Variants in NPAS3 observed in about 807,000 individuals in gnomAD.
NPAS3 encodes neuronal PAS domain-containing protein 3.
In NPAS3, 14 loss-of-function variants were observed where a neutral mutation model predicts 73.1. That is an observed-to-expected ratio of 0.19 (90% CI 0.13 to 0.30). The LOEUF is 0.30. Ranked by LOEUF, NPAS3 falls within the 10% of genes least tolerant of loss-of-function variation. NPAS3 has a pLI of 1.00. For synonymous variants in NPAS3, 620 were observed against 541.5 expected, an observed-to-expected ratio of 1.14 and a Z score of -2.01; for missense variants, 1,096 against 1,250.0, an observed-to-expected ratio of 0.88 and a Z score of 1.86.
intron 2 of NPAS3, among the ~76,000 whole-genome samples, chr14:33,135,482 A>C (rs2139135618): frequency 6.6e-6 from 1 of 152,312 alleles, no homozygotes; most frequent in East Asian, 1.9e-4. Flanking sequence ...TTTTACCATA[A>C]AATAGTTTAA....
Position 33,415,425 on chromosome 14 carries a change from T to A in NPAS3, c.468+48157T>A, listed in dbSNP as rs111396604. Among the ~76,000 whole-genome samples, 1,071 of 152,284 alleles carry A rather than the reference T, an allele frequency of 7.0e-3. 5 individuals carry two copies. Among genetic ancestry groups the A allele is most frequent in the African/African-American group, 0.024 (1,002 of 41,566 alleles). On this transcript the variant is annotated intron_variant, in intron 4 of 11. Coordinates refer to ENST00000356141, the Ensembl canonical transcript of NPAS3. ...GTCCTTCTATCCATATCTTATACTT[T>A]CTTCAAAGTCCACCTCAAAGTCCAT...
chr14:33,575,838 A>C (rs1460312994), intron 5 of NPAS3, among the ~76,000 whole-genome samples: 1 of 152,230 alleles, frequency 6.6e-6, no homozygotes, highest in Non-Finnish European at 1.5e-5. Flanking sequence ...GAACATGTAC[A>C]TTTAAGACCT....
chr14:33,228,867 G>T (rs2047737369), intron 3 of NPAS3, among the ~76,000 whole-genome samples: 1 of 152,070 alleles, frequency 6.6e-6, no homozygotes, highest in African/African-American at 2.4e-5. Context: ...TTTTAAATAG[G>T]TGATCATAAT....
intron 6 of NPAS3, among the ~76,000 whole-genome samples, chr14:33,693,507 A>G (rs1263954341): frequency 6.6e-6 from 1 of 152,192 alleles, no homozygotes; most frequent in Admixed American, 6.5e-5. Flanking sequence ...ATAACTAGTC[A>G]CTTCAATAGC....
intron 2 of NPAS3, among the ~76,000 whole-genome samples, chr14:33,140,901 G>C (rs1301785539): frequency 6.6e-6 from 1 of 152,122 alleles, no homozygotes; most frequent in African/African-American, 2.4e-5. Flanking sequence ...AAACATAATG[G>C]GGAAATCCTA....
At chr14:33,439,146 C>T (rs1257817236) in intron 4 of NPAS3, among the ~76,000 whole-genome samples, 1 of 151,646 alleles carries the variant, frequency 6.6e-6, no homozygotes, top group Non-Finnish European at 1.5e-5. Context: ...TTTTCTAATA[C>T]ATCTTCACTA....
intron 3 of NPAS3, among the ~76,000 whole-genome samples, chr14:33,335,445 C>T (rs147786101): frequency 2.3e-3 from 348 of 152,194 alleles, no homozygotes; most frequent in Admixed American, 2.5e-3. Context: ...AGATGTCAGG[C>T]ATTTTGTTTG....
At chr14:33,312,893 A>T (rs2043061464) in intron 3 of NPAS3, among the ~76,000 whole-genome samples, 1 of 152,048 alleles carries the variant, frequency 6.6e-6, no homozygotes, top group African/African-American at 2.4e-5. Flanking sequence ...TGAGGTTATG[A>T]TTTCCTATCA....
At chr14:33,289,253 T>C (rs983121670) in intron 3 of NPAS3, among the ~76,000 whole-genome samples, 2 of 152,188 alleles carry the variant, frequency 1.3e-5, no homozygotes, top group Non-Finnish European at 2.9e-5. Context: ...AGAGTCAGAA[T>C]TGAATACAGG....
chr14:33,367,334 T>A, intron 4 of NPAS3, 66 bp downstream of exon 4: 1 of 725,784 alleles, frequency 1.4e-6, no homozygotes, highest in Non-Finnish European at 2.4e-6. Flanking sequence ...TTTAGTCTTT[T>A]TTTTAAAGAA....
At chr14:33,216,353 C>T (rs2047223660) in intron 3 of NPAS3, among the ~76,000 whole-genome samples, 1 of 152,086 alleles carries the variant, frequency 6.6e-6, no homozygotes, top group South Asian at 2.1e-4. Flanking sequence ...GTACTCTTGG[C>T]TATGATAGGA....
At chr14:33,439,045 C>A (rs538322615) in intron 4 of NPAS3, among the ~76,000 whole-genome samples, 1 of 151,982 alleles carries the variant, frequency 6.6e-6, no homozygotes, top group South Asian at 2.1e-4. Context: ...TCCAAACTTA[C>A]CCAAATTAAC....
intron 2 of NPAS3, among the ~76,000 whole-genome samples, chr14:33,066,551 C>T (rs955800121): frequency 2.0e-5 from 3 of 152,158 alleles, no homozygotes; most frequent in Non-Finnish European, 4.4e-5. Context: ...TATGTTTTTA[C>T]AAGAGTCTGG....
intron 3 of NPAS3, among the ~76,000 whole-genome samples, chr14:33,279,433 G>A (rs533051705): frequency 1.1e-4 from 16 of 152,038 alleles, no homozygotes; most frequent in South Asian, 4.2e-4. Context: ...TGACTAACTC[G>A]CCTAGAGTCA....
At chr14:33,682,414 T>G (rs763637706) in intron 6 of NPAS3, among the ~76,000 whole-genome samples, 1 of 152,202 alleles carries the variant, frequency 6.6e-6, no homozygotes, top group Non-Finnish European at 1.5e-5. Context: ...ACAGCTTTTA[T>G]CCAAAATTAT....
intron 6 of NPAS3, among the ~76,000 whole-genome samples, chr14:33,703,483 G>A (rs2060576476): frequency 6.6e-6 from 1 of 152,124 alleles, no homozygotes; most frequent in Admixed American, 6.5e-5. Flanking sequence ...GACAGAGCAA[G>A]ACCCTGTCTC....
At chr14:33,743,582 T>C (rs575810996) in intron 7 of NPAS3, among the ~76,000 whole-genome samples, 12 of 152,312 alleles carry the variant, frequency 7.9e-5, no homozygotes, top group South Asian at 6.2e-4. Flanking sequence ...TAAGTGAGCA[T>C]TGGCTTCAAC....
At chr14:33,777,446 T>C (rs1382041197) in intron 8 of NPAS3, among the ~76,000 whole-genome samples, 2 of 152,186 alleles carry the variant, frequency 1.3e-5, no homozygotes, top group African/African-American at 4.8e-5. Flanking sequence ...TTTTCTTTCT[T>C]ATTTCCCTGC....
chr14:33,319,977 T>C (rs2043368462), intron 3 of NPAS3, among the ~76,000 whole-genome samples: 1 of 152,136 alleles, frequency 6.6e-6, no homozygotes, highest in African/African-American at 2.4e-5. Context: ...CAATTCCTTA[T>C]GGGAAGTATA....
Sources: allele counts gnomAD v4.1 joint callset (sites outside exome capture counted in the v4.1 genomes callset), GRCh38; gene constraint gnomAD v4.1.1; transcripts MANE v1.5; gene names NCBI Gene and HGNC (gene_info 2026-07-23, HGNC 2026-07-21).